FAAH2: variants seen among roughly 807,000 people sequenced by gnomAD.
The protein encoded by FAAH2 is fatty-acid amide hydrolase 2.
In FAAH2, 60 loss-of-function variants were observed where a neutral mutation model predicts 36.9. The observed-to-expected ratio is 1.63, with a 90% confidence interval of 1.32 to 2.02. The LOEUF (loss-of-function observed/expected upper bound fraction) is 2.02, where lower values mean the gene tolerates loss of function less well. Ranked by LOEUF, FAAH2 falls within the 30% of genes most tolerant of loss-of-function variation. The probability of loss-of-function intolerance (pLI) is 0.00; values close to 1 mark genes in which losing one functional copy is unlikely to be tolerated. For synonymous variants in FAAH2, 214 were observed against 143.8 expected (o/e 1.49, Z -3.49); for missense variants, 689 against 397.5 (o/e 1.73, Z -6.23).
At chrX:57,407,194 G>C (rs912779160) in intron 7 of FAAH2, among the ~76,000 whole-genome samples, 3 of 111,920 alleles carry the variant, frequency 2.7e-5, no homozygotes, top group Admixed American at 9.4e-5. Context: ...GCAGATTCTG[G>C]GGTATGTTTG....
intron 2 of FAAH2, among the ~76,000 whole-genome samples, chrX:57,304,448 T>C (rs1022194594): frequency 8.9e-6 from 1 of 111,840 alleles, no homozygotes; most frequent in Non-Finnish European, 1.9e-5. Context: ...GACATCCTAG[T>C]TTGTCAGCCT....
At chrX:57,206,302 G>A in the FAAH2 span, among the ~76,000 whole-genome samples, 2 of 111,936 alleles carry the variant, frequency 1.8e-5, no homozygotes, top group Admixed American at 9.5e-5. Flanking sequence ...GTTTTCAATT[G>A]ATCCCTATAT....
intron 5 of FAAH2, among the ~76,000 whole-genome samples, chrX:57,357,798 C>A (rs1251009267): frequency 3.6e-5 from 4 of 111,312 alleles, no homozygotes; most frequent in Non-Finnish European, 5.7e-5. Flanking sequence ...GGGTATAGAA[C>A]CAGAAATACC....
At chrX:57,252,913 G>A in the FAAH2 span, among the ~76,000 whole-genome samples, 1 of 112,418 alleles carries the variant, frequency 8.9e-6, no homozygotes, top group Non-Finnish European at 1.9e-5. Flanking sequence ...TGGAGAATGA[G>A]TTTGACAAGT....
intron 10 of FAAH2, among the ~76,000 whole-genome samples, chrX:57,484,451 A>G (rs1459350943): frequency 9.0e-6 from 1 of 111,439 alleles, no homozygotes; most frequent in Non-Finnish European, 1.9e-5. Context: ...AGGCAGGAAC[A>G]CAATCTGTTC....
intron 7 of FAAH2, among the ~76,000 whole-genome samples, chrX:57,427,351 T>A (rs1004398958): frequency 2.8e-5 from 3 of 108,514 alleles, no homozygotes; most frequent in African/African-American, 6.7e-5. Flanking sequence ...TGAAACAATT[T>A]AAAAAAAAAA....
chrX:57,487,449 C>A (rs996801021), intron 10 of FAAH2, among the ~76,000 whole-genome samples: 2 of 111,786 alleles, frequency 1.8e-5, no homozygotes, highest in Non-Finnish European at 3.8e-5. Flanking sequence ...GATAACCCAA[C>A]TTAAAATGCA....
chrX:57,123,862 C>G, the FAAH2 span, among the ~76,000 whole-genome samples: 1 of 111,542 alleles, frequency 9.0e-6, no homozygotes, highest in East Asian at 2.8e-4. Flanking sequence ...TTGTTTTTTT[C>G]TTGTAAATTT....
At chrX:57,328,932 G>A (rs923704227) in intron 3 of FAAH2, among the ~76,000 whole-genome samples, 1 of 111,305 alleles carries the variant, frequency 9.0e-6, no homozygotes, top group Non-Finnish European at 1.9e-5. Context: ...CTTCTGGGAG[G>A]GCTGAGGTCC....
the FAAH2 span, among the ~76,000 whole-genome samples, chrX:57,227,669 A>T: frequency 1.8e-5 from 2 of 111,206 alleles, no homozygotes; most frequent in African/African-American, 6.6e-5. Flanking sequence ...CAGCTGTAGT[A>T]GTGTGGAGAG....
At chrX:57,177,593 T>TAC in the FAAH2 span, among the ~76,000 whole-genome samples, 2 of 80,158 alleles carry the variant, frequency 2.5e-5, no homozygotes, top group Non-Finnish European at 4.7e-5. Flanking sequence ...TATATATATA[T>TAC]ATATATATAT....
chrX:57,355,862 C>T (rs1383657462), intron 5 of FAAH2, among the ~76,000 whole-genome samples: 1 of 110,676 alleles, frequency 9.0e-6, no homozygotes, highest in Non-Finnish European at 1.9e-5. Context: ...CTTCTTTGTT[C>T]TTCATTTTAG....
the FAAH2 span, among the ~76,000 whole-genome samples, chrX:57,198,248 G>A: frequency 9.0e-6 from 1 of 111,609 alleles, no homozygotes; most frequent in African/African-American, 3.3e-5. Flanking sequence ...AGGAATTGCT[G>A]TGACCACTGA....
At chrX:57,264,625 GATTGCTCAAAAACCTA>G in the FAAH2 span, among the ~76,000 whole-genome samples, 2 of 112,512 alleles carry the variant, frequency 1.8e-5, no homozygotes, top group African/African-American at 6.5e-5. Context: ...ACAGTGTGGT[GATTGCTCAAAAACCTA>G]AAAACAGCAA....
the FAAH2 span, among the ~76,000 whole-genome samples, chrX:57,148,268 C>A: frequency 9.0e-6 from 1 of 111,376 alleles, no homozygotes. Context: ...TCCATATGAA[C>A]TTTAAAGTAG....
chrX:57,278,737 A>G, the FAAH2 span, among the ~76,000 whole-genome samples: 1 of 112,074 alleles, frequency 8.9e-6, no homozygotes, highest in Non-Finnish European at 1.9e-5. Context: ...GAATGTACAA[A>G]GAAGTTAAAC....
At chrX:57,405,874 G>C in intron 7 of FAAH2, among the ~76,000 whole-genome samples, 1 of 104,602 alleles carries the variant, frequency 9.6e-6, no homozygotes, top group East Asian at 3.0e-4. Flanking sequence ...AATTTATTTT[G>C]GTTTTCAACT....
chrX:57,133,810 T>C, the FAAH2 span, among the ~76,000 whole-genome samples: 1 of 112,121 alleles, frequency 8.9e-6, no homozygotes, highest in African/African-American at 3.2e-5. Flanking sequence ...AATTGTGTGA[T>C]GTATACAAGA....
At chrX:57,320,877 G>T (rs1176777787) in intron 3 of FAAH2, among the ~76,000 whole-genome samples, 1 of 112,199 alleles carries the variant, frequency 8.9e-6, no homozygotes, top group East Asian at 2.8e-4. Context: ...GGTGGCTCAC[G>T]CCTGTAATCC....
Sources: gnomAD v4.1 joint callset for allele counts (sites outside exome capture counted in the v4.1 genomes callset) on GRCh38, gnomAD v4.1.1 for gene constraint, MANE v1.5 for transcripts, NCBI Gene and HGNC (gene_info 2026-07-23, HGNC 2026-07-21) for gene names.